The following HESX1 variants were observed in gnomAD, a reference collection of about 807,000 sequenced individuals.
HESX1 encodes HESX homeobox 1.
HESX1 carries 11 observed loss-of-function variants against 22.5 expected under a neutral mutation model. That is an observed-to-expected ratio of 0.49 (90% CI 0.31 to 0.81). The LOEUF (loss-of-function observed/expected upper bound fraction) is 0.81. Among genes scored for constraint, HESX1 ranks in the 30% least tolerant of loss-of-function variants. The pLI is 0.05. For synonymous variants in HESX1, 74 were observed against 76.5 expected, an observed-to-expected ratio of 0.97 and a Z score of 0.17; for missense variants, 201 against 212.6, an observed-to-expected ratio of 0.95 and a Z score of 0.34.
intron 2 of HESX1, 108 bp from the exon 3 acceptor site, chr3:57,198,600 A>T: frequency 9.7e-7 from 1 of 1,028,410 alleles, no homozygotes; most frequent in Non-Finnish European, 1.5e-6. Flanking sequence ...ATGCCTTTTT[A>T]AAAATGATTA....
chr3:57,227,357 T>C (rs2060653027), upstream of HESX1, among the ~76,000 whole-genome samples: 1 of 152,198 alleles, frequency 6.6e-6, no homozygotes, highest in South Asian at 2.1e-4. Context: ...GAGTTGGGAA[T>C]GTTATCATCT....
chr3:57,206,040 A>G (rs944648066), intron 1 of HESX1, among the ~76,000 whole-genome samples: 1 of 152,084 alleles, frequency 6.6e-6, no homozygotes, highest in Non-Finnish European at 1.5e-5. Context: ...AAAATAGGAA[A>G]ATTAGCTGGG....
At chr3:57,217,896 C>G (rs1184811419) in intron 1 of HESX1, among the ~76,000 whole-genome samples, 1 of 152,110 alleles carries the variant, frequency 6.6e-6, no homozygotes, top group Non-Finnish European at 1.5e-5. Context: ...GCCTCCTCAT[C>G]TTCACAGGCT....
At chr3:57,212,419 T>G (rs1209280322) in intron 1 of HESX1, among the ~76,000 whole-genome samples, 1 of 151,642 alleles carries the variant, frequency 6.6e-6, no homozygotes, top group Admixed American at 6.6e-5. Context: ...ATTAGCTGGG[T>G]GTGGTGGCAC....
At chr3:57,218,741 C>T (rs1398059855) in intron 1 of HESX1, among the ~76,000 whole-genome samples, 1 of 152,156 alleles carries the variant, frequency 6.6e-6, no homozygotes, top group African/African-American at 2.4e-5. Context: ...CCATGCCCAG[C>T]CAATCTTACT....
At chr3:57,225,713 G>T (rs1336325953) in intron 1 of HESX1, among the ~76,000 whole-genome samples, 1 of 152,072 alleles carries the variant, frequency 6.6e-6, no homozygotes, top group African/African-American at 2.4e-5. Flanking sequence ...ATGGCCTCTT[G>T]AGAGTCCTTT....
At chr3:57,205,170 AG>A (rs1327243571) in intron 1 of HESX1, among the ~76,000 whole-genome samples, 1 of 152,134 alleles carries the variant, frequency 6.6e-6, no homozygotes, top group East Asian at 1.9e-4. Flanking sequence ...GCATTTTGGG[AG>A]GCTGAGGGCA....
intron 1 of HESX1, among the ~76,000 whole-genome samples, chr3:57,210,625 A>G (rs188617895): frequency 4.1e-4 from 63 of 152,338 alleles, no homozygotes; most frequent in Admixed American, 2.6e-3. Flanking sequence ...TCCTAGAACA[A>G]TGCCCAAGTA....
At chr3:57,206,062 G>A (rs929966535) in intron 1 of HESX1, among the ~76,000 whole-genome samples, 3 of 152,122 alleles carry the variant, frequency 2.0e-5, no homozygotes, top group East Asian at 1.9e-4. Flanking sequence ...GTGGTGGCAC[G>A]TGCCTGTAAT....
At chr3:57,199,696 A>G (rs1403419034) in intron 1 of HESX1, 66 bp downstream of exon 1, 1 of 1,442,838 alleles carries the variant, frequency 6.9e-7, no homozygotes, top group Non-Finnish European at 9.8e-7. Context: ...GTAGTATGAA[A>G]TAAAGGGCAA....
rs1579346361 is a variant in HESX1, at chr3:57,197,980, A to T, written c.*217T>A. The T allele has an allele frequency of 2.6e-6, 1 of 379,652 alleles. No individual in the cohort carries two copies. Among genetic ancestry groups the T allele is most frequent in the East Asian group, 4.2e-5 (1 of 23,802 alleles). 23.5% of individuals were successfully genotyped at this position (379,652 alleles called of 1,614,324 possible). A position where few individuals can be genotyped will look rare whatever the true frequency, so the allele number is the denominator to read the frequency against. ...ACTTAAAAAATAGCAATCTTTTCTG[A>T]AAATGTTTATTAAAATATATATAAA... On this transcript the variant is annotated 3_prime_UTR_variant, in exon 4 of 4. Transcript: ENST00000295934.
chr3:57,217,342 A>G lies in HESX1; in HGVS notation c.-111+8954T>C, dbSNP rs376373274. On this transcript the variant is annotated intron_variant, in intron 1 of 2. Coordinates refer to the HESX1 transcript ENST00000495160. ...AGTTCACATGGATACTTTAATTCCA[A>G]TCCAGCACCAGAGGGTTCATTCCAA... 1.4e-4 allele frequency among the ~76,000 whole-genome samples: 22 copies of G among 152,296 alleles called. No individual in the cohort carries two copies. In the East Asian group the frequency reaches 1.7e-3, roughly 12 times the overall value.
At chr3:57,224,046 G>A (rs1448626163) in intron 1 of HESX1, among the ~76,000 whole-genome samples, 2 of 152,120 alleles carry the variant, frequency 1.3e-5, no homozygotes, top group African/African-American at 2.4e-5. Flanking sequence ...AGGTTGGAGT[G>A]CAGTGGTGTG....
At chr3:57,227,529 A>C (rs777556419), upstream of HESX1, among the ~76,000 whole-genome samples, 16 of 152,200 alleles carry the variant, frequency 1.1e-4, no homozygotes, top group Non-Finnish European at 1.9e-4. Flanking sequence ...CCTGCGATTT[A>C]GATACAAACG....
At chr3:57,199,982 G>A (rs1033243792), upstream of HESX1, 18 of 1,454,220 alleles carry the variant, frequency 1.2e-5, no homozygotes, top group Non-Finnish European at 1.6e-5. Context: ...CGTGTATAGG[G>A]CTGGGATCTT....
chr3:57,221,377 G>C (rs1463319447), intron 1 of HESX1, among the ~76,000 whole-genome samples: 2 of 151,354 alleles, frequency 1.3e-5, no homozygotes, highest in African/African-American at 4.9e-5. Context: ...GGCTGGTCTT[G>C]AACTCCTGGG....
rs1000783269 is a variant in HESX1, at chr3:57,198,304, A to C, written c.460-9T>G. On this transcript the variant is annotated splice_polypyrimidine_tract_variant and intron_variant, in intron 3 of 3. Coordinates refer to ENST00000295934, the MANE Select transcript of HESX1 (RefSeq NM_003865.3). ...CGATTTTGAAACCAAATCTAAAGTT[A>C]AGGAAAAATAAAATAGGTCTCAGAA... 6.2e-7 allele frequency: 1 copy of C among 1,602,342 alleles called. No homozygotes were observed. The highest frequency in any genetic ancestry group is 1.3e-5 in the African/African-American group (1 of 74,682).
upstream of HESX1, among the ~76,000 whole-genome samples, chr3:57,226,862 G>A (rs2060649497): frequency 1.3e-5 from 2 of 152,174 alleles, no homozygotes; most frequent in Admixed American, 1.3e-4. Context: ...AGACATAAAC[G>A]AGCCAGGGTG....
At chr3:57,198,652 T>C in intron 2 of HESX1, 101 bp downstream of exon 2, 1 of 1,151,960 alleles carries the variant, frequency 8.7e-7, no homozygotes, top group Non-Finnish European at 1.3e-6. Context: ...GTTTCATTAA[T>C]AAGGCTTCTA....
Sources: allele counts gnomAD v4.1 joint callset (sites outside exome capture counted in the v4.1 genomes callset), GRCh38; gene constraint gnomAD v4.1.1; transcripts MANE v1.5; gene names NCBI Gene and HGNC (gene_info 2026-07-23, HGNC 2026-07-21).